Variants in GRM7 observed in about 807,000 individuals in gnomAD.
GRM7 encodes metabotropic glutamate receptor 7.
GRM7 carries 35 observed loss-of-function variants against 84.5 expected under a neutral mutation model. The ratio of observed to expected loss-of-function variants is 0.41; its 90% CI spans 0.32 to 0.55. The LOEUF (loss-of-function observed/expected upper bound fraction) is 0.55, where lower values mean the gene tolerates loss of function less well. Among genes scored for constraint, GRM7 ranks in the 20% least tolerant of loss-of-function variants. The pLI, the probability that GRM7 is intolerant of heterozygous loss-of-function variation, is 0.19. For missense variants in GRM7, 1,003 were observed against 1,194.6 expected (o/e 0.84, Z 2.36); for synonymous variants, 487 against 455.1 (o/e 1.07, Z -0.89).
At chr3:7,667,021 G>GAGATGATCATCCCTACACTA (rs1309321642) in intron 8 of GRM7, among the ~76,000 whole-genome samples, 1 of 151,934 alleles carries the variant, frequency 6.6e-6, no homozygotes, top group Non-Finnish European at 1.5e-5. Flanking sequence ...TATGAGGTTG[G>GAGATGATCATCCCTACACTA]AGATGATCAT....
chr3:6,980,839 G>A (rs1694171135), intron 1 of GRM7, among the ~76,000 whole-genome samples: 2 of 152,344 alleles, frequency 1.3e-5, no homozygotes, highest in African/African-American at 4.8e-5. Context: ...GGACAGTAAA[G>A]TGCGAAGCTA....
At chr3:7,600,496 G>A (rs897496987) in intron 8 of GRM7, among the ~76,000 whole-genome samples, 3 of 152,114 alleles carry the variant, frequency 2.0e-5, no homozygotes, top group Non-Finnish European at 4.4e-5. Context: ...TGCCTGTGCT[G>A]TTGAACGGGG....
chr3:7,628,620 T>C (rs1446892854), intron 8 of GRM7, among the ~76,000 whole-genome samples: 4 of 152,138 alleles, frequency 2.6e-5, no homozygotes, highest in African/African-American at 9.7e-5. Flanking sequence ...TTACTTCCAA[T>C]TCAATAATTA....
At chr3:7,229,757 A>ATTTTTTTTTTT (rs1302605868) in intron 2 of GRM7, among the ~76,000 whole-genome samples, 1 of 26,878 alleles carries the variant, frequency 3.7e-5, no homozygotes, top group African/African-American at 1.4e-4. Context: ...ATATATATAT[A>ATTTTTTTTTTT]TATTTTTTTT....
intron 6 of GRM7, among the ~76,000 whole-genome samples, chr3:7,459,494 T>G (rs769520106): frequency 5.3e-5 from 8 of 152,030 alleles, no homozygotes; most frequent in Non-Finnish European, 8.8e-5. Context: ...TTTAATGGAC[T>G]CACAGTTCCA....
At chr3:7,564,142 C>T (rs1694154509) in intron 7 of GRM7, among the ~76,000 whole-genome samples, 1 of 152,194 alleles carries the variant, frequency 6.6e-6, no homozygotes, top group East Asian at 1.9e-4. Flanking sequence ...TGGGAGAAAA[C>T]AGGAACGAAC....
At chr3:6,918,295 A>G (rs10490857) in intron 1 of GRM7, among the ~76,000 whole-genome samples, 14,495 of 152,260 alleles carry the variant, frequency 0.095, 798 homozygotes, top group Non-Finnish European at 0.13. Context: ...TCATTTTTAC[A>G]CGAGAATTTT....
intron 2 of GRM7, among the ~76,000 whole-genome samples, chr3:7,218,354 C>T (rs1336443635): frequency 6.6e-6 from 1 of 151,946 alleles, no homozygotes; most frequent in Admixed American, 6.6e-5. Context: ...ACCTTTATTT[C>T]TAGTAAAATT....
chr3:6,904,723 GT>G (rs143641576), intron 1 of GRM7, among the ~76,000 whole-genome samples: 30 of 148,304 alleles, frequency 2.0e-4, no homozygotes, highest in South Asian at 4.3e-4. Flanking sequence ...CCTTATGTGT[GT>G]TTTTTTTTTC....
intron 9 of GRM7, among the ~76,000 whole-genome samples, chr3:7,726,393 A>C (rs1242709018): frequency 6.6e-6 from 1 of 152,014 alleles, no homozygotes; most frequent in African/African-American, 2.4e-5. Flanking sequence ...ATATAAAAAG[A>C]TAGCATTATA....
At chr3:7,165,185 A>C (rs2125082682) in intron 2 of GRM7, among the ~76,000 whole-genome samples, 1 of 152,294 alleles carries the variant, frequency 6.6e-6, no homozygotes, top group East Asian at 1.9e-4. Context: ...CACCATCCGC[A>C]ACTCTGTTTC....
rs144136572 is a variant in GRM7, at chr3:7,261,929, C to T, written c.737-36755C>T. Among the ~76,000 whole-genome samples the T allele has an allele frequency of 1.5e-4, 18 of 123,642 alleles. 1 individual carries two copies. The highest frequency in any genetic ancestry group is 1.4e-3 in the East Asian group (5 of 3,638). 81.1% of individuals were successfully genotyped at this position (123,642 alleles called of 152,430 possible). A position where few individuals can be genotyped will look rare whatever the true frequency, so the allele number is the denominator to read the frequency against. The stretch of plus-strand genomic sequence containing the variant: ...CCCTCCCTCCCTTCCTCCCTTCCTT[C>T]CCTCCTTCCCTCCTTCCTTTCTTTG... On this transcript the variant is annotated intron_variant, in intron 2 of 9. Coordinates refer to ENST00000357716, the MANE Select transcript of GRM7 (RefSeq NM_000844.4).
intron 2 of GRM7, among the ~76,000 whole-genome samples, chr3:7,227,497 T>C: frequency 6.6e-6 from 1 of 152,168 alleles, no homozygotes; most frequent in East Asian, 1.9e-4. Context: ...GCATGCCTAC[T>C]TTTTTCAGTA....
At chr3:7,610,547 C>A (rs958863041) in intron 8 of GRM7, among the ~76,000 whole-genome samples, 14 of 152,056 alleles carry the variant, frequency 9.2e-5, no homozygotes, top group African/African-American at 3.1e-4. Context: ...TAGAATTTAA[C>A]AATTTTGGAG....
intron 4 of GRM7, among the ~76,000 whole-genome samples, chr3:7,350,928 G>A: frequency 6.6e-6 from 1 of 152,022 alleles, no homozygotes; most frequent in East Asian, 1.9e-4. Context: ...ACAACCAGAG[G>A]GGTGATCTCT....
chr3:7,655,078 C>G (rs1213553897), intron 8 of GRM7, among the ~76,000 whole-genome samples: 2 of 152,126 alleles, frequency 1.3e-5, no homozygotes, highest in African/African-American at 4.8e-5. Flanking sequence ...AGTACAAGCC[C>G]AGCTCAGGCC....
chr3:7,449,448 G>A (rs879653008), intron 5 of GRM7, among the ~76,000 whole-genome samples: 2 of 152,104 alleles, frequency 1.3e-5, no homozygotes, highest in African/African-American at 2.4e-5. Flanking sequence ...CAAGTTGCTA[G>A]ATTTTCTTTC....
chr3:7,498,623 A>G (rs1699782889), intron 7 of GRM7, among the ~76,000 whole-genome samples: 1 of 152,200 alleles, frequency 6.6e-6, no homozygotes, highest in South Asian at 2.1e-4. Flanking sequence ...GTGTACATAA[A>G]GCACTTGATC....
rs143329015 is a variant in GRM7 at position 7,002,463 on chromosome 3, T to C, written c.519+140556T>C. Among the ~76,000 whole-genome samples, 775 of 152,286 alleles carry C rather than the reference T, an allele frequency of 5.1e-3. 15 individuals carry two copies. The highest frequency in any genetic ancestry group is 0.037 in the Admixed American group (573 of 15,294). ...ACAAAGAATCACTAATATATACATA[T>C]GAGAAACTTAAATACATATTAGAAT... On this transcript the variant is annotated intron_variant, in intron 1 of 9. Coordinates refer to ENST00000357716, the MANE Select transcript of GRM7 (RefSeq NM_000844.4).
Sources: gnomAD v4.1 joint callset for allele counts (sites outside exome capture counted in the v4.1 genomes callset) on GRCh38, gnomAD v4.1.1 for gene constraint, MANE v1.5 for transcripts, NCBI Gene and HGNC (gene_info 2026-07-23, HGNC 2026-07-21) for gene names.